TRIP12: variants seen among roughly 807,000 people sequenced by gnomAD.
TRIP12 encodes E3 ubiquitin-protein ligase TRIP12.
A neutral mutation model predicts 244.2 loss-of-function variants in TRIP12; 25 were observed. The observed-to-expected ratio is 0.10, with a 90% confidence interval of 0.07 to 0.14. The LOEUF (loss-of-function observed/expected upper bound fraction) is 0.14. TRIP12 is among the 10% of genes least tolerant of loss of function. The pLI, the probability that TRIP12 is intolerant of heterozygous loss-of-function variation, is 1.00. For missense variants in TRIP12, 1,677 were observed against 2,486.4 expected, an observed-to-expected ratio of 0.67 and a Z score of 6.92; for synonymous variants, 905 against 873.1, an observed-to-expected ratio of 1.04 and a Z score of -0.64.
At chr2:229,800,392 A>G (rs1198136579) in intron 21 of TRIP12, among the ~76,000 whole-genome samples, 3 of 152,208 alleles carry the variant, frequency 2.0e-5, no homozygotes, top group Admixed American at 2.0e-4. Context: ...ACAAAACTAA[A>G]TAAGATGAAA....
chr2:229,814,211 C>G (rs1559586894), intron 12 of TRIP12, 22 bp downstream of exon 12: 1 of 1,607,410 alleles, frequency 6.2e-7, no homozygotes, highest in Non-Finnish European at 8.5e-7. Context: ...GAAATGTAGT[C>G]CCCTTCAGTA....
At chr2:229,906,870 C>T (rs1394978246) in intron 1 of TRIP12, among the ~76,000 whole-genome samples, 1 of 151,926 alleles carries the variant, frequency 6.6e-6, no homozygotes, top group Non-Finnish European at 1.5e-5. Context: ...AAAATAAAGA[C>T]ATCAAAAAAT....
intron 1 of TRIP12, among the ~76,000 whole-genome samples, chr2:229,887,168 C>T (rs1454108473): frequency 6.6e-6 from 1 of 152,128 alleles, no homozygotes. Flanking sequence ...GATCCTTTGC[C>T]ATTTGGTAAA....
intron 15 of TRIP12, among the ~76,000 whole-genome samples, chr2:229,810,629 A>G (rs2047034107): frequency 6.6e-6 from 1 of 152,192 alleles, no homozygotes; most frequent in South Asian, 2.1e-4. Context: ...CATGGCATAG[A>G]TATTAATGAC....
rs1170478250 is a variant in TRIP12 at position 229,767,420 on chromosome 2, T to C, written c.*134A>G. 1 of 1,077,058 alleles carries C rather than the reference T, an allele frequency of 9.3e-7. No individual in the cohort carries two copies. Among genetic ancestry groups the C allele is most frequent in the African/African-American group, 1.6e-5 (1 of 62,070 alleles). The allele number at this position is 1,077,058 out of a possible 1,614,324, so 66.7% of individuals were successfully genotyped here. A position where few individuals can be genotyped will look rare whatever the true frequency, so the allele number is the denominator to read the frequency against. ...TAATGAATATCAACCAAATGTCTCT[T>C]TATAATCTGCAAGCCGTTTTTCCTA... On this transcript the variant is annotated 3_prime_UTR_variant, in exon 42 of 42. Coordinates refer to ENST00000675903, the MANE Select transcript of TRIP12 (RefSeq NM_001348323.3).
chr2:229,893,921 C>T (rs1321982433), intron 1 of TRIP12, among the ~76,000 whole-genome samples: 1 of 152,120 alleles, frequency 6.6e-6, no homozygotes, highest in Admixed American at 6.5e-5. Flanking sequence ...CTATGTTACC[C>T]GGGCTGGTCC....
chr2:229,814,028 C>T lies in TRIP12; in HGVS notation c.1828G>A (p.Gly610Ser). The change falls in exon 13 of 42, where the codon GGT becomes AGT. Residue 610 changes from glycine (G) to serine (S), a missense_variant. Gly to Ser is a moderately conservative substitution (Grantham distance 56, BLOSUM62 0). Coordinates refer to ENST00000675903, the MANE Select transcript of TRIP12 (RefSeq NM_001348323.3). Reference sequence around the variant, plus strand: ...AGGTACAGCAAGCAGTCTGCCAAACCACCCTAAAATATAGAAAACTGTTAA... The same window carrying T: ...AGGTACAGCAAGCAGTCTGCCAAACTACCCTAAAATATAGAAAACTGTTAA... ...RHSKAILQAG[G>S]LADCLLYLEF... 1 of 1,571,956 alleles carries T rather than the reference C, an allele frequency of 6.4e-7. No homozygotes were observed. Among genetic ancestry groups the T allele is most frequent in the Non-Finnish European group, 8.7e-7 (1 of 1,148,532 alleles).
intron 26 of TRIP12, among the ~76,000 whole-genome samples, chr2:229,793,713 C>G (rs13003437): frequency 0.27 from 40,588 of 152,096 alleles, 6,058 homozygotes; most frequent in East Asian, 0.4. Flanking sequence ...GAGTCAGATA[C>G]AAACTTAAAC....
chr2:229,868,418 C>T (rs2061942622), intron 2 of TRIP12, among the ~76,000 whole-genome samples: 1 of 152,094 alleles, frequency 6.6e-6, no homozygotes, highest in East Asian at 1.9e-4. Flanking sequence ...GCCCAGGCTG[C>T]TCTTGAACTC....
At chr2:229,895,612 T>A (rs1269938690) in intron 1 of TRIP12, among the ~76,000 whole-genome samples, 1 of 147,024 alleles carries the variant, frequency 6.8e-6, no homozygotes, top group Non-Finnish European at 1.5e-5. Context: ...TTATATAAAA[T>A]ATATCACAGA....
chr2:229,843,591 AAC>A (rs1470063262), intron 4 of TRIP12, among the ~76,000 whole-genome samples: 2 of 152,152 alleles, frequency 1.3e-5, no homozygotes, highest in African/African-American at 4.8e-5. Flanking sequence ...ACAAACAAAA[AAC>A]ACAGGCTGGA....
intron 23 of TRIP12, 56 bp from the exon 24 acceptor site, chr2:229,797,887 C>T (rs1041030457): frequency 6.4e-7 from 1 of 1,555,872 alleles, no homozygotes; most frequent in Non-Finnish European, 8.7e-7. Flanking sequence ...AAGGATATAA[C>T]TTCTGATCAA....
rs1465166824 is a variant in TRIP12 at position 229,856,025 on chromosome 2, G to A, written c.1027+2747C>T. ...CACACACTCCAGCCTGGGTAATACAGCAAGACTCTGTCTCAGAAAAAAAAA... is the reference window on the plus strand; with the variant it reads ...CACACACTCCAGCCTGGGTAATACAACAAGACTCTGTCTCAGAAAAAAAAA... On this transcript the variant is annotated intron_variant, in intron 4 of 41. Transcript: ENST00000675903. Among the ~76,000 whole-genome samples the A allele has an allele frequency of 3.4e-5, 5 of 147,004 alleles. No homozygotes were observed. In the South Asian group the frequency reaches 6.4e-4, roughly 19 times the overall value.
intron 1 of TRIP12, among the ~76,000 whole-genome samples, chr2:229,894,870 T>G (rs1345346038): frequency 1.3e-5 from 2 of 152,216 alleles, no homozygotes; most frequent in African/African-American, 4.8e-5. Context: ...AAAACTTCTC[T>G]GCCAGTCTGA....
chr2:229,800,540 C>G (rs2044008742), intron 21 of TRIP12, among the ~76,000 whole-genome samples: 2 of 151,984 alleles, frequency 1.3e-5, no homozygotes, highest in Admixed American at 1.3e-4. Context: ...GCTTGACAAT[C>G]AGGAAAAATG....
At chr2:229,877,578 T>G (rs2063846440) in intron 2 of TRIP12, among the ~76,000 whole-genome samples, 2 of 152,132 alleles carry the variant, frequency 1.3e-5, no homozygotes, top group South Asian at 4.1e-4. Flanking sequence ...AACACTGATA[T>G]ATAGAAAAAA....
intron 1 of TRIP12, among the ~76,000 whole-genome samples, chr2:229,891,969 T>C (rs577231149): frequency 5.9e-5 from 9 of 152,344 alleles, no homozygotes; most frequent in African/African-American, 2.2e-4. Context: ...ATGGCATATT[T>C]AGAGGTCCTC....
At chr2:229,911,732 A>G (rs536213250) in intron 1 of TRIP12, among the ~76,000 whole-genome samples, 14 of 152,344 alleles carry the variant, frequency 9.2e-5, no homozygotes, top group African/African-American at 3.1e-4. Context: ...AATTTTAAAA[A>G]CAATTAAAGG....
At chr2:229,876,660 A>T (rs534121476) in intron 2 of TRIP12, among the ~76,000 whole-genome samples, 8 of 152,192 alleles carry the variant, frequency 5.3e-5, no homozygotes, top group African/African-American at 1.9e-4. Flanking sequence ...TACTTTGTTT[A>T]TTACTTATTT....
Sources: allele counts gnomAD v4.1 joint callset (sites outside exome capture counted in the v4.1 genomes callset), GRCh38; gene constraint gnomAD v4.1.1; transcripts MANE v1.5; gene names NCBI Gene and HGNC (gene_info 2026-07-23, HGNC 2026-07-21).